DGKI: variants seen among roughly 807,000 people sequenced by gnomAD.
DGKI encodes diacylglycerol kinase iota, also known as DAG kinase iota.
Under a neutral mutation model 147.5 loss-of-function variants are expected in DGKI, and 55 were observed. The ratio of observed to expected loss-of-function variants is 0.37; its 90% CI spans 0.30 to 0.47. DGKI has a LOEUF of 0.47. DGKI is among the 20% of genes least tolerant of loss of function. The pLI, the probability that DGKI is intolerant of heterozygous loss-of-function variation, is 1.00. For missense variants in DGKI, 1,007 were observed against 1,323.8 expected (o/e 0.76, Z 3.71); for synonymous variants, 469 against 477.1 (o/e 0.98, Z 0.22).
At chr7:137,646,422 A>G (rs958819607) in intron 5 of DGKI, among the ~76,000 whole-genome samples, 1 of 152,238 alleles carries the variant, frequency 6.6e-6, no homozygotes, top group Non-Finnish European at 1.5e-5. Context: ...TTCAAGGTCT[A>G]TCTTTGTCTC....
intron 14 of DGKI, among the ~76,000 whole-genome samples, chr7:137,583,746 C>G (rs184616842): frequency 6.6e-6 from 1 of 152,172 alleles, no homozygotes; most frequent in Non-Finnish European, 1.5e-5. Flanking sequence ...CTTACAATAT[C>G]CATATGGTAC....
intron 14 of DGKI, among the ~76,000 whole-genome samples, chr7:137,584,487 A>G (rs1163918076): frequency 1.3e-5 from 2 of 152,174 alleles, no homozygotes; most frequent in African/African-American, 4.8e-5. Context: ...CTCAATCACT[A>G]AAAGAAAACA....
At chr7:137,760,140 C>A (rs1038918010) in intron 1 of DGKI, among the ~76,000 whole-genome samples, 1 of 152,124 alleles carries the variant, frequency 6.6e-6, no homozygotes, top group Non-Finnish European at 1.5e-5. Flanking sequence ...CCCACCTCAC[C>A]TACTAATCTT....
chr7:137,845,640 T>C (rs1406162612), intron 1 of DGKI, among the ~76,000 whole-genome samples: 2 of 152,184 alleles, frequency 1.3e-5, no homozygotes, highest in South Asian at 4.1e-4. Flanking sequence ...TAATAAATCC[T>C]AATTCCTCGT....
At chr7:137,729,070 T>TA (rs1370379285) in intron 1 of DGKI, among the ~76,000 whole-genome samples, 4 of 152,010 alleles carry the variant, frequency 2.6e-5, no homozygotes, top group African/African-American at 7.2e-5. Context: ...ACAAAAAAGA[T>TA]GGCTGTTCAT....
At chr7:137,493,379 C>T (rs569380481) in intron 21 of DGKI, among the ~76,000 whole-genome samples, 2 of 152,336 alleles carry the variant, frequency 1.3e-5, no homozygotes, top group South Asian at 4.1e-4. Flanking sequence ...CATCACACTG[C>T]TGTTGCTTCT....
chr7:137,616,593 C>T (rs1007210794), intron 8 of DGKI, among the ~76,000 whole-genome samples: 1 of 151,628 alleles, frequency 6.6e-6, no homozygotes, highest in Non-Finnish European at 1.5e-5. Context: ...AACCTCATGG[C>T]TCATAACAAA....
chr7:137,743,630 T>C (rs1471399878), intron 1 of DGKI, among the ~76,000 whole-genome samples: 4 of 152,064 alleles, frequency 2.6e-5, no homozygotes, highest in African/African-American at 7.2e-5. Context: ...ATCAAGAAGA[T>C]AGAAAAGTCC....
At chr7:137,570,433 A>C (rs755087376) in intron 19 of DGKI, among the ~76,000 whole-genome samples, 1 of 152,196 alleles carries the variant, frequency 6.6e-6, no homozygotes, top group Non-Finnish European at 1.5e-5. Flanking sequence ...ATATTCAGAT[A>C]TTTTGTGATA....
intron 21 of DGKI, among the ~76,000 whole-genome samples, chr7:137,501,362 C>A (rs1414950472): frequency 6.6e-6 from 1 of 152,068 alleles, no homozygotes; most frequent in Non-Finnish European, 1.5e-5. Context: ...ATACTGATTC[C>A]TTTCTTTTGT....
intron 23 of DGKI, among the ~76,000 whole-genome samples, chr7:137,482,861 T>A (rs892631833): frequency 6.6e-6 from 1 of 152,046 alleles, no homozygotes; most frequent in African/African-American, 2.4e-5. Flanking sequence ...TTTATCACTC[T>A]TCTTGCGCCT....
chr7:137,443,977 G>T, intron 28 of DGKI, 100 bp downstream of exon 28: 1 of 975,948 alleles, frequency 1.0e-6, no homozygotes, highest in Non-Finnish European at 1.5e-6. Context: ...ATATCTTAGA[G>T]ACATTTGCTT....
In DGKI at chr7:137,389,992, A is replaced by C. The variant is rs906261437; in HGVS notation, c.*1228T>G. 2.0e-5 allele frequency: 3 copies of C among 152,200 alleles called. No homozygotes were observed. The highest frequency in any genetic ancestry group is 7.2e-5 in the African/African-American group (3 of 41,454). 9.4% of individuals were successfully genotyped at this position (152,200 alleles called of 1,614,324 possible). A position where few individuals can be genotyped will look rare whatever the true frequency, so the allele number is the denominator to read the frequency against. ...ATCTGGCAGTGGAACTCATACAACA[A>C]GCCTTTGTTCTTGGGTCAAGGATTA... On this transcript the variant is annotated 3_prime_UTR_variant, in exon 33 of 33. Coordinates refer to ENST00000614521, the MANE Select transcript of DGKI (RefSeq NM_001321708.2).
chr7:137,681,918 C>T (rs1342844917), intron 2 of DGKI, among the ~76,000 whole-genome samples: 5 of 152,266 alleles, frequency 3.3e-5, no homozygotes, highest in South Asian at 4.1e-4. Context: ...GGGCAGTCAA[C>T]GCTGTCTACA....
At chr7:137,684,947 G>A (rs139058618) in intron 2 of DGKI, among the ~76,000 whole-genome samples, 2,716 of 152,194 alleles carry the variant, frequency 0.018, 141 homozygotes, top group Admixed American at 0.12. Flanking sequence ...GCACAAACAC[G>A]CATGCACACA....
intron 19 of DGKI, among the ~76,000 whole-genome samples, chr7:137,552,830 G>A (rs988490787): frequency 6.6e-6 from 1 of 151,784 alleles, no homozygotes; most frequent in Non-Finnish European, 1.5e-5. Flanking sequence ...CAAGATAATC[G>A]CTTGAACCTG....
intron 1 of DGKI, among the ~76,000 whole-genome samples, chr7:137,707,959 A>G (rs897139406): frequency 6.6e-6 from 1 of 152,136 alleles, no homozygotes; most frequent in East Asian, 1.9e-4. Flanking sequence ...AATCTCCCCA[A>G]ATTGTGAGGA....
chr7:137,662,460 G>C (rs960236280), intron 3 of DGKI, among the ~76,000 whole-genome samples: 2 of 151,998 alleles, frequency 1.3e-5, no homozygotes, highest in South Asian at 2.1e-4. Flanking sequence ...AGCCGGGATG[G>C]TCTCGATCTC....
At chr7:137,566,632 GA>G in intron 19 of DGKI, among the ~76,000 whole-genome samples, 1 of 152,176 alleles carries the variant, frequency 6.6e-6, no homozygotes, top group African/African-American at 2.4e-5. Flanking sequence ...GATGAAAAGA[GA>G]AAAAAATAAT....
Sources: allele counts gnomAD v4.1 joint callset (sites outside exome capture counted in the v4.1 genomes callset), GRCh38; gene constraint gnomAD v4.1.1; transcripts MANE v1.5; gene names NCBI Gene and HGNC (gene_info 2026-07-23, HGNC 2026-07-21).